Variants in ASNS observed in about 807,000 individuals in gnomAD.
ASNS encodes the protein asparagine synthetase (glutamine-hydrolyzing).
A neutral mutation model predicts 62.6 loss-of-function variants in ASNS; 37 were observed. The observed-to-expected ratio is 0.59, with a 90% CI of 0.45 to 0.78. The LOEUF is 0.78. Among genes scored for constraint, ASNS ranks in the 30% least tolerant of loss-of-function variants. ASNS has a pLI of 0.00. For missense variants in ASNS, 520 were observed against 682.4 expected, an observed-to-expected ratio of 0.76 and a Z score of 2.65; for synonymous variants, 207 against 237.9, an observed-to-expected ratio of 0.87 and a Z score of 1.19.
chr7:97,858,571 T>G (rs562593949), intron 6 of ASNS, among the ~76,000 whole-genome samples, 166 bp from the exon 7 acceptor site: 8 of 152,354 alleles, frequency 5.3e-5, no homozygotes, highest in African/African-American at 1.9e-4. Flanking sequence ...ATATATAAAC[T>G]GTGATAATAG....
the ASNS span, among the ~76,000 whole-genome samples, chr7:97,891,867 A>G: frequency 9.2e-5 from 14 of 152,262 alleles, no homozygotes; most frequent in East Asian, 2.7e-3. Context: ...TTTTCCAGGC[A>G]CACAGTGCAA....
At position 97,859,264 on chromosome 7, in the gene ASNS, G is replaced by T; in HGVS notation, c.622C>A (p.Arg208=). Residue 208 remains arginine (R), a synonymous_variant, in exon 5 of 13, where the codon CGG becomes AGG. Transcript: ENST00000394308. ...SVEMVKYHHC[R]DVPLHALYDN... is the part of the protein sequence containing the mutation. Reference sequence around the variant, plus strand: ...TAGAGGGCGTGCAGGGGTACATCCCGACAGTGATGATATTTAACCATTTCC... The same window carrying T: ...TAGAGGGCGTGCAGGGGTACATCCCTACAGTGATGATATTTAACCATTTCC... The T allele has an allele frequency of 6.2e-7, 1 of 1,614,056 alleles. No homozygotes were observed. Among genetic ancestry groups the T allele is most frequent in the Non-Finnish European group, 8.5e-7 (1 of 1,179,966 alleles).
At chr7:97,882,714 G>A in the ASNS span, among the ~76,000 whole-genome samples, 1 of 152,024 alleles carries the variant, frequency 6.6e-6, no homozygotes, top group African/African-American at 2.4e-5. Context: ...GGGGAGTGAT[G>A]GTGGTGGTGC....
chr7:97,900,032 C>G, the ASNS span, among the ~76,000 whole-genome samples: 3 of 152,070 alleles, frequency 2.0e-5, no homozygotes, highest in African/African-American at 7.2e-5. Flanking sequence ...AATGAGATAC[C>G]ACTTCATACC....
At chr7:97,915,299 G>A in the ASNS span, among the ~76,000 whole-genome samples, 2 of 152,222 alleles carry the variant, frequency 1.3e-5, no homozygotes, top group Non-Finnish European at 2.9e-5. Flanking sequence ...GTGGTTAAGA[G>A]TGTGCACCCA....
the ASNS span, among the ~76,000 whole-genome samples, chr7:97,922,022 G>C: frequency 6.6e-6 from 1 of 152,122 alleles, no homozygotes; most frequent in Non-Finnish European, 1.5e-5. Flanking sequence ...AATAAGCCAG[G>C]CACAAAACGA....
chr7:97,909,289 A>G, the ASNS span, among the ~76,000 whole-genome samples: 2 of 134,322 alleles, frequency 1.5e-5, no homozygotes, highest in African/African-American at 5.6e-5. Context: ...GTTTCCTCAC[A>G]TACACTTTTT....
chr7:97,898,791 A>T, the ASNS span: 1 of 717,772 alleles, frequency 1.4e-6, no homozygotes, highest in Admixed American at 1.9e-5. Flanking sequence ...ACCATGGAAC[A>T]TATTTTGTCA....
At chr7:97,858,833 G>GT (rs1791580553) in intron 6 of ASNS, 21 bp downstream of exon 6, 5 of 1,567,878 alleles carry the variant, frequency 3.2e-6, no homozygotes, top group South Asian at 2.3e-5. Context: ...AATATAATTA[G>GT]GTTTTTTTAA....
chr7:97,908,963 G>A, the ASNS span: 2 of 152,106 alleles, frequency 1.3e-5, 1 homozygote. Context: ...ACACCCTGAT[G>A]CAAAAGAACG....
At chr7:97,853,657 C>T (rs1403034761) in intron 10 of ASNS, among the ~76,000 whole-genome samples, 2 of 152,074 alleles carry the variant, frequency 1.3e-5, no homozygotes, top group Non-Finnish European at 2.9e-5. Context: ...TAGTTAAATG[C>T]ATATTTCAAA....
At chr7:97,897,392 A>G in the ASNS span, among the ~76,000 whole-genome samples, 7 of 152,268 alleles carry the variant, frequency 4.6e-5, no homozygotes, top group African/African-American at 1.4e-4. Flanking sequence ...AAAAGCAAAA[A>G]TTGACAAATG....
chr7:97,858,444 T>A, intron 6 of ASNS, 39 bp from the exon 7 acceptor site: 1 of 1,612,636 alleles, frequency 6.2e-7, no homozygotes, highest in Non-Finnish European at 8.5e-7. Flanking sequence ...CCTAGTTATG[T>A]GCCTTGCATA....
chr7:97,885,401 A>T, the ASNS span, among the ~76,000 whole-genome samples: 4 of 152,358 alleles, frequency 2.6e-5, no homozygotes, highest in African/African-American at 9.6e-5. Flanking sequence ...TCTTTCATAA[A>T]CTGGAGTGGA....
intron 3 of ASNS, among the ~76,000 whole-genome samples, chr7:97,866,412 C>T (rs993185500): frequency 2.0e-5 from 3 of 152,156 alleles, no homozygotes; most frequent in African/African-American, 7.2e-5. Context: ...TATTAGTCTG[C>T]ATTCCCCAAA....
chr7:97,881,004 G>A, the ASNS span, among the ~76,000 whole-genome samples: 1 of 152,068 alleles, frequency 6.6e-6, no homozygotes, highest in Non-Finnish European at 1.5e-5. Context: ...GCAGTGGTGC[G>A]ATCTCAGCTC....
the ASNS span, among the ~76,000 whole-genome samples, chr7:97,922,937 G>A: frequency 1.3e-5 from 2 of 152,176 alleles, no homozygotes; most frequent in South Asian, 2.1e-4. Flanking sequence ...GATTACAGGT[G>A]TGTGCCATCA....
intron 5 of ASNS, 115 bp from the exon 6 acceptor site, chr7:97,859,070 G>A (rs1050370215): frequency 1.3e-5 from 18 of 1,376,120 alleles, no homozygotes; most frequent in Non-Finnish European, 1.7e-5. Context: ...CAATGGTGGA[G>A]TGTGCCAAAT....
chr7:97,914,877 C>A, the ASNS span, among the ~76,000 whole-genome samples: 66 of 152,142 alleles, frequency 4.3e-4, no homozygotes, highest in Non-Finnish European at 1.2e-4. Flanking sequence ...AGGTGGGAAG[C>A]AGGCTGTAGT....
Sources: allele counts gnomAD v4.1 joint callset (sites outside exome capture counted in the v4.1 genomes callset), GRCh38; gene constraint gnomAD v4.1.1; transcripts MANE v1.5; gene names NCBI Gene and HGNC (gene_info 2026-07-23, HGNC 2026-07-21).